The following BTNL9 variants were observed in gnomAD, a reference collection of about 807,000 sequenced individuals.
BTNL9 encodes the protein butyrophilin like 9.
In BTNL9, 45 loss-of-function variants were observed where a neutral mutation model predicts 45.8. That is an observed-to-expected ratio of 0.98 (90% CI 0.77 to 1.26). The LOEUF is 1.26. Ranked by LOEUF, BTNL9 falls within the 50% of genes most tolerant of loss-of-function variation. The probability of loss-of-function intolerance (pLI) is 0.00; values close to 1 mark genes in which losing one functional copy is unlikely to be tolerated. For synonymous variants in BTNL9, 346 were observed against 330.8 expected (o/e 1.05, Z -0.50); for missense variants, 784 against 729.7 (o/e 1.07, Z -0.86).
chr5:181,054,458 C>G (rs1761770540), intron 7 of BTNL9, 199 bp downstream of exon 7: 2 of 985,466 alleles, frequency 2.0e-6, no homozygotes, highest in Non-Finnish European at 2.4e-6. Flanking sequence ...ACCCTCTGCA[C>G]AGACCCTGCC....
At chr5:181,044,039 C>A (rs532614766) in intron 1 of BTNL9, among the ~76,000 whole-genome samples, 6 of 152,362 alleles carry the variant, frequency 3.9e-5, no homozygotes, top group African/African-American at 1.4e-4. Flanking sequence ...CCCAACCTGT[C>A]CTCTGTTTGT....
In BTNL9 at chr5:181,050,052, A is replaced by C. The variant is rs779581666; in HGVS notation, c.455-36A>C. The C allele has an allele frequency of 1.1e-5, 18 of 1,592,666 alleles. No homozygotes were observed. Among genetic ancestry groups the C allele is most frequent in the Admixed American group, 1.0e-4 (6 of 57,428 alleles). ...AATGTTATGCGTGATTTCTCAGAAG[A>C]AGCCTGACCTTTCCCACTCCTCCTG... On this transcript the variant is annotated intron_variant, in intron 3 of 10. Coordinates refer to ENST00000327705, the MANE Select transcript of BTNL9 (RefSeq NM_152547.5). The surrounding 1 kb of genome is among the most constrained non-coding windows in gnomAD (Gnocchi z 4.9).
intron 6 of BTNL9, 110 bp from the exon 7 acceptor site, chr5:181,054,129 G>C: frequency 6.4e-7 from 1 of 1,566,210 alleles, no homozygotes; most frequent in South Asian, 1.2e-5. Context: ...GGGTGGGAGT[G>C]CCGCATCGGA....
intron 1 of BTNL9, among the ~76,000 whole-genome samples, chr5:181,041,637 TA>T (rs2113131612): frequency 6.6e-6 from 1 of 152,346 alleles, no homozygotes; most frequent in South Asian, 2.1e-4. Flanking sequence ...AGTCACTGAT[TA>T]AAAACAAACA....
rs892832442 is a variant in BTNL9 at position 181,059,690 on chromosome 5, C to T, written c.1436C>T (p.Ser479Leu). The T allele has an allele frequency of 6.2e-6, 10 of 1,613,564 alleles. No homozygotes were observed. In the Admixed American group the frequency reaches 6.7e-5, roughly 11 times the overall value. Residue 479 changes from serine to leucine, a missense_variant, in exon 11 of 11, where the codon TCG becomes TTG. Coordinates refer to ENST00000327705, the MANE Select transcript of BTNL9 (RefSeq NM_152547.5). ...SHIFTFHDTFSGALCAYFRPR... is the reference protein window; with the variant it reads ...SHIFTFHDTFLGALCAYFRPR... ...ATCTTCACCTTCCACGACACCTTCT[C>T]GGGCGCGCTCTGTGCGTACTTCAGG...
At chr5:181,054,462 C>A (rs1761770917) in intron 7 of BTNL9, 1 of 985,316 alleles carries the variant, frequency 1.0e-6, no homozygotes, top group African/African-American at 1.7e-5. Context: ...TCTGCACAGA[C>A]CCTGCCAGCT....
chr5:181,047,401 G>A, intron 2 of BTNL9: 1 of 702,222 alleles, frequency 1.4e-6, no homozygotes, highest in African/African-American at 1.9e-5. Flanking sequence ...CTTTGTAGAA[G>A]CTGTACATGT....
chr5:181,055,075 A>G lies in BTNL9; in HGVS notation c.908-358A>G. On this transcript the variant is annotated intron_variant, in intron 7 of 10. Transcript: ENST00000327705. The surrounding 1 kb of genome is among the most constrained non-coding windows in gnomAD (Gnocchi z 4.4). ...CGGTGAGTGACCGTGAGGCTCACGTAGGCGGCCCTCAGTGCCTGCACTTAG... is the reference window on the plus strand; with the variant it reads ...CGGTGAGTGACCGTGAGGCTCACGTGGGCGGCCCTCAGTGCCTGCACTTAG... 5 of 1,095,104 alleles carry G rather than the reference A, an allele frequency of 4.6e-6. No homozygotes were observed. The highest frequency in any genetic ancestry group is 5.6e-6 in the Non-Finnish European group (5 of 899,786). The allele number at this position is 1,095,104 out of a possible 1,614,324, so 67.8% of individuals were successfully genotyped here.
rs1192722386 is a variant in BTNL9, at chr5:181,042,606, C to A, written c.-24+2174C>A. Among the ~76,000 whole-genome samples the A allele has an allele frequency of 6.6e-6, 1 of 152,174 alleles. No homozygotes were observed. The highest frequency in any genetic ancestry group is 6.5e-5 in the Admixed American group (1 of 15,272). Reference sequence around the variant, plus strand: ...GAAGCTGCCAGACCATCTCTCTCTGCTAAAGGCTTTCAAGATGATACCCTT... The same window carrying A: ...GAAGCTGCCAGACCATCTCTCTCTGATAAAGGCTTTCAAGATGATACCCTT... On this transcript the variant is annotated intron_variant, in intron 1 of 10. Transcript: ENST00000327705. This position sits in a 1 kb window ranked among gnomAD's most constrained non-coding sequence, Gnocchi z 4.5.
At chr5:181,049,542 G>A (rs1398509770) in intron 3 of BTNL9, among the ~76,000 whole-genome samples, 7 of 152,244 alleles carry the variant, frequency 4.6e-5, no homozygotes, top group African/African-American at 1.7e-4. Context: ...AGAAGCTGAT[G>A]AGATTGGCCG....
At chr5:181,058,725 CATGGGGTGTTGAAAT>C (rs1762006571) in intron 10 of BTNL9, among the ~76,000 whole-genome samples, 1 of 151,314 alleles carries the variant, frequency 6.6e-6, no homozygotes, top group East Asian at 1.9e-4. Context: ...TGTCAGATGG[CATGGGGTGTTGAAAT>C]GTGGGGCACT....
At chr5:181,044,436 A>G (rs934439099) in intron 1 of BTNL9, among the ~76,000 whole-genome samples, 1 of 152,142 alleles carries the variant, frequency 6.6e-6, no homozygotes, top group African/African-American at 2.4e-5. Context: ...ATGAAGTGAA[A>G]GGCAAGGGGT....
chr5:181,049,453 T>C (rs561028461), intron 3 of BTNL9, among the ~76,000 whole-genome samples: 21 of 152,228 alleles, frequency 1.4e-4, no homozygotes, highest in Non-Finnish European at 2.5e-4. Flanking sequence ...AAAAGTAAGA[T>C]GCAAGGTTCG....
At chr5:181,045,619 C>G in intron 2 of BTNL9, 21 bp downstream of exon 2, 1 of 1,588,966 alleles carries the variant, frequency 6.3e-7, no homozygotes, top group South Asian at 1.1e-5. Flanking sequence ...TGCAGCCTAG[C>G]TGGCCAGGAT....
chr5:181,058,675 T>C (rs985975276), intron 10 of BTNL9, among the ~76,000 whole-genome samples: 1 of 152,074 alleles, frequency 6.6e-6, no homozygotes, highest in Non-Finnish European at 1.5e-5. Context: ...GTAATGAACC[T>C]CCCAGATTCT....
rs955760264 is a variant in BTNL9 at position 181,049,937 on chromosome 5, T to C, written c.455-151T>C. ...GATTTAGACTGTCATTTCCCGTCCA[T>C]GGGCGGGGAGCGCCAAGCCCACACA... On this transcript the variant is annotated intron_variant, in intron 3 of 10. Transcript: ENST00000327705. 3.1e-6 allele frequency: 3 copies of C among 969,148 alleles called. No individual in the cohort carries two copies. In the African/African-American group the frequency reaches 4.9e-5, roughly 16 times the overall value. 60.0% of individuals were successfully genotyped at this position (969,148 alleles called of 1,614,324 possible).
At position 181,049,137 on chromosome 5, in the gene BTNL9, C is replaced by T. The variant is rs77894847; in HGVS notation, c.454+866C>T. ...GTGGAATTCAAAGTTGGAAAGCTCC[C>T]GGACAGGGAAATTTGGTAATACTTA... On this transcript the variant is annotated intron_variant, in intron 3 of 10. Transcript: ENST00000327705. Among the ~76,000 whole-genome samples the T allele has an allele frequency of 2.1e-3, 324 of 151,572 alleles. 1 individual carries two copies. The highest frequency in any genetic ancestry group is 0.01 in the Middle Eastern group (3 of 294).
chr5:181,047,801 C>A, intron 2 of BTNL9, 126 bp from the exon 3 acceptor site: 1 of 892,162 alleles, frequency 1.1e-6, no homozygotes, highest in Non-Finnish European at 1.7e-6. Context: ...GCCAGTTGTC[C>A]TGTAGAGTAT....
At chr5:181,058,536 C>T (rs1054183217) in intron 10 of BTNL9, among the ~76,000 whole-genome samples, 158 bp downstream of exon 10, 3 of 152,156 alleles carry the variant, frequency 2.0e-5, no homozygotes, top group Non-Finnish European at 1.5e-5. Context: ...ACACGCCACA[C>T]GACACATATG....
Sources: gnomAD v4.1 joint callset for allele counts (sites outside exome capture counted in the v4.1 genomes callset) on GRCh38, gnomAD v4.1.1 for gene constraint, Gnocchi (gnomAD v3.1) non-coding constraint, MANE v1.5 for transcripts, NCBI Gene and HGNC (gene_info 2026-07-23, HGNC 2026-07-21) for gene names.